Variants in TCF7L2 observed in about 807,000 individuals in gnomAD.
TCF7L2 encodes transcription factor 7 like 2, also known as transcription factor 7-like 2.
A neutral mutation model predicts 77.9 loss-of-function variants in TCF7L2; 23 were observed. The observed-to-expected ratio is 0.30, with a 90% CI of 0.21 to 0.42. The LOEUF is 0.42. Ranked by LOEUF, TCF7L2 falls within the 10% of genes least tolerant of loss-of-function variation. The pLI, the probability that TCF7L2 is intolerant of heterozygous loss-of-function variation, is 1.00. For missense variants in TCF7L2, 654 were observed against 793.1 expected (o/e 0.82, Z 2.11); for synonymous variants, 413 against 340.2 (o/e 1.21, Z -2.36).
chr10:112,996,150 A>G (rs568621129), intron 4 of TCF7L2, among the ~76,000 whole-genome samples: 2 of 152,256 alleles, frequency 1.3e-5, no homozygotes, highest in African/African-American at 4.8e-5. Flanking sequence ...GGTGCAGCCT[A>G]GGTTAGTATT....
At chr10:113,000,520 T>G (rs117197312) in intron 4 of TCF7L2, among the ~76,000 whole-genome samples, 2 of 152,156 alleles carry the variant, frequency 1.3e-5, no homozygotes, top group African/African-American at 4.8e-5. Flanking sequence ...GATCCTGGAT[T>G]TAACCAGCAG....
intron 5 of TCF7L2, among the ~76,000 whole-genome samples, chr10:113,064,649 G>A (rs184484352): frequency 1.7e-4 from 26 of 152,278 alleles, no homozygotes; most frequent in African/African-American, 6.3e-4. Flanking sequence ...TGGAAAATGC[G>A]ATAATGATGC....
chr10:113,070,797 A>G (rs1373898974), intron 5 of TCF7L2, among the ~76,000 whole-genome samples: 2 of 152,210 alleles, frequency 1.3e-5, no homozygotes, highest in Non-Finnish European at 2.9e-5. Context: ...TATAATTCAC[A>G]TACCTTACAA....
chr10:113,066,365 CA>C lies in TCF7L2; in HGVS notation c.552+26253del, dbSNP rs34941771. ...GGGCAACAAGAGCAAAAGTCCGTCT[CA>C]AAAAAAAAAAAAAGTTATGCTTTTA... is the stretch of plus-strand genomic sequence containing the variant. On this transcript the variant is annotated intron_variant, in intron 5 of 13. Coordinates refer to ENST00000627217, the MANE Select transcript of TCF7L2 (RefSeq NM_001146274.2). Among the ~76,000 whole-genome samples, 998 of 117,974 alleles carry C rather than the reference CA, an allele frequency of 8.5e-3. 6 individuals carry two copies. The highest frequency in any genetic ancestry group is 0.018 in the Middle Eastern group (4 of 224). 77.4% of individuals were successfully genotyped at this position (117,974 alleles called of 152,430 possible). A position where few individuals can be genotyped will look rare whatever the true frequency, so the allele number is the denominator to read the frequency against.
chr10:113,021,277 G>C (rs1268143809), intron 4 of TCF7L2, among the ~76,000 whole-genome samples: 1 of 152,100 alleles, frequency 6.6e-6, no homozygotes, highest in African/African-American at 2.4e-5. Flanking sequence ...ATTCTGTATG[G>C]TAAGACTGCA....
chr10:113,133,244 G>A (rs541279796), intron 5 of TCF7L2: 2 of 152,142 alleles, frequency 1.3e-5, no homozygotes, highest in Non-Finnish European at 2.9e-5. Context: ...TTCCAGGTTC[G>A]AATGTTCCTT....
At chr10:113,055,279 T>G (rs1454513009) in intron 5 of TCF7L2, among the ~76,000 whole-genome samples, 2 of 152,252 alleles carry the variant, frequency 1.3e-5, no homozygotes, top group South Asian at 4.1e-4. Flanking sequence ...ATCACACCAA[T>G]GCTTGATCCT....
intron 5 of TCF7L2, among the ~76,000 whole-genome samples, chr10:113,068,296 G>A (rs1001633522): frequency 6.6e-6 from 1 of 152,320 alleles, no homozygotes; most frequent in Middle Eastern, 3.4e-3. Context: ...AGCCGCTGCC[G>A]TCTCTATTCT....
chr10:112,980,112 G>A (rs2040205620), intron 4 of TCF7L2, among the ~76,000 whole-genome samples: 1 of 152,194 alleles, frequency 6.6e-6, no homozygotes, highest in Non-Finnish European at 1.5e-5. Flanking sequence ...TGGCTCAAAA[G>A]CATTTGTCAG....
At chr10:113,058,559 T>G (rs1181631182) in intron 5 of TCF7L2, among the ~76,000 whole-genome samples, 1 of 152,024 alleles carries the variant, frequency 6.6e-6, no homozygotes, top group Non-Finnish European at 1.5e-5. Context: ...GCCCCTTCCT[T>G]TTGCTTCCTG....
At position 113,107,133 on chromosome 10, in the gene TCF7L2, ACT is replaced by A. The variant is rs2062429403; in HGVS notation, c.553-34047_553-34046del. ...ACTTGCAGCCCATCATGGGAGTGAA[ACT>A]CTCATTATGTAATGTTAAACTGGGC... On this transcript the variant is annotated intron_variant, in intron 5 of 13. Coordinates refer to ENST00000627217, the MANE Select transcript of TCF7L2 (RefSeq NM_001146274.2). Among the ~76,000 whole-genome samples the A allele has an allele frequency of 7.9e-5, 12 of 152,282 alleles. No individual in the cohort carries two copies. The South Asian group carries it at 2.5e-3, about 32-fold the overall frequency.
chr10:113,144,693 G>A (rs140509236), intron 7 of TCF7L2, among the ~76,000 whole-genome samples: 54 of 152,252 alleles, frequency 3.5e-4, no homozygotes, highest in Non-Finnish European at 6.6e-4. Flanking sequence ...TGGGAATGGG[G>A]CATTTGGAAC....
intron 4 of TCF7L2, among the ~76,000 whole-genome samples, chr10:113,032,718 C>T (rs1318621880): frequency 6.6e-6 from 1 of 152,230 alleles, no homozygotes; most frequent in Non-Finnish European, 1.5e-5. Context: ...TCGCTCCTGT[C>T]ACCTCAGTCA....
rs777964745 is a variant in TCF7L2, at chr10:113,040,020, G to A, written c.451-5G>A. On this transcript the variant is annotated splice_region_variant and splice_polypyrimidine_tract_variant and intron_variant, in intron 4 of 13. Transcript: ENST00000627217. ...TTTCATTTCACTTTTGTTTCCTCTC[G>A]CCAGTATCTCCAGATGAAATGGCCA... The A allele has an allele frequency of 1.1e-5, 17 of 1,610,672 alleles. No homozygotes were observed. Among genetic ancestry groups the A allele is most frequent in the Admixed American group, 5.0e-5 (3 of 59,588 alleles).
intron 5 of TCF7L2, among the ~76,000 whole-genome samples, chr10:113,050,191 A>G (rs1209067977): frequency 1.3e-5 from 2 of 152,216 alleles, no homozygotes; most frequent in Non-Finnish European, 2.9e-5. Flanking sequence ...GTGTCCAAAC[A>G]GTGGGATAAA....
chr10:113,109,223 G>C (rs2062810677), intron 5 of TCF7L2, among the ~76,000 whole-genome samples: 1 of 152,176 alleles, frequency 6.6e-6, no homozygotes, highest in East Asian at 1.9e-4. Context: ...GAAGAGCAGG[G>C]AGTTAGGGTC....
At chr10:113,164,046 C>G (rs2073641181) in intron 13 of TCF7L2, among the ~76,000 whole-genome samples, 1 of 152,204 alleles carries the variant, frequency 6.6e-6, no homozygotes. Flanking sequence ...ACACGTGTTT[C>G]CAGTTGGAGT....
intron 4 of TCF7L2, among the ~76,000 whole-genome samples, chr10:112,969,015 G>C (rs958167476): frequency 2.0e-5 from 3 of 152,012 alleles, no homozygotes; most frequent in Non-Finnish European, 2.9e-5. Flanking sequence ...ATTCCTTGTT[G>C]TGTCTCAGTA....
chr10:113,060,836 G>A (rs2056321821), intron 5 of TCF7L2, among the ~76,000 whole-genome samples: 1 of 152,090 alleles, frequency 6.6e-6, no homozygotes, highest in African/African-American at 2.4e-5. Context: ...TGGATCGCCT[G>A]TTGTGGCTGA....
Sources: gnomAD v4.1 joint callset for allele counts (sites outside exome capture counted in the v4.1 genomes callset) on GRCh38, gnomAD v4.1.1 for gene constraint, MANE v1.5 for transcripts, NCBI Gene and HGNC (gene_info 2026-07-23, HGNC 2026-07-21) for gene names.